DST: variants seen among roughly 807,000 people sequenced by gnomAD.
DST encodes the protein bullous pemphigoid antigen.
DST carries 253 observed loss-of-function variants against 875.2 expected under a neutral mutation model. The observed-to-expected ratio is 0.29, with a 90% CI of 0.26 to 0.32. The LOEUF (loss-of-function observed/expected upper bound fraction) is 0.32, where lower values mean the gene tolerates loss of function less well. DST is among the 10% of genes least tolerant of loss of function. The pLI is 1.00. For synonymous variants in DST, 3,124 were observed against 3,197.1 expected, an observed-to-expected ratio of 0.98 and a Z score of 0.77; for missense variants, 8,287 against 9,111.6, an observed-to-expected ratio of 0.91 and a Z score of 3.68.
chr6:56,491,401 A>G (rs533418473), intron 85 of DST, among the ~76,000 whole-genome samples: 1 of 152,164 alleles, frequency 6.6e-6, no homozygotes, highest in South Asian at 2.1e-4. Context: ...ATTACACTAA[A>G]TTTCTAGTAA....
Position 56,790,250 on chromosome 6 carries a change from A to G in DST, c.626-54961T>C, listed in dbSNP as rs1416517522. Among the ~76,000 whole-genome samples, 4 of 152,172 alleles carry G rather than the reference A, an allele frequency of 2.6e-5. No homozygotes were observed. The East Asian group carries it at 7.7e-4, about 29-fold the overall frequency. On this transcript the variant is annotated intron_variant, in intron 4 of 103. Transcript: ENST00000680361. Reference sequence around the variant, plus strand: ...GTGATTTCTCATTTATATAGTTACTATCTACTATGATAGATAGTAAGTTTT... The same window carrying G: ...GTGATTTCTCATTTATATAGTTACTGTCTACTATGATAGATAGTAAGTTTT...
rs2152751657 is a variant in DST, at chr6:56,627,231, A to G, written c.4695T>C (p.Tyr1565=). The G allele has an allele frequency of 1.9e-6, 3 of 1,612,764 alleles. No homozygotes were observed. The highest frequency in any genetic ancestry group is 2.5e-6 in the Non-Finnish European group (3 of 1,179,284). The part of the protein sequence containing the change: ...KQSKMDECQK[Y]AEQYSATVKD... ...TCACTGTAGCTGAGTACTGTTCTGCATATTTTTGACACTCGTCCATTTTGC... is the reference window on the plus strand; with the variant it reads ...TCACTGTAGCTGAGTACTGTTCTGCGTATTTTTGACACTCGTCCATTTTGC... The change falls in exon 34 of 104, where the codon TAT becomes TAC. Residue 1565 remains tyrosine, a synonymous_variant. Coordinates refer to ENST00000680361, the MANE Select transcript of DST (RefSeq NM_001374736.1).
chr6:56,472,659 G>A (rs2094954014), intron 93 of DST, among the ~76,000 whole-genome samples: 1 of 152,176 alleles, frequency 6.6e-6, no homozygotes. Context: ...GCAGATGAGG[G>A]CAGCAGGCAC....
At chr6:56,855,517 T>C (rs1767443103) in intron 3 of DST, among the ~76,000 whole-genome samples, 1 of 152,210 alleles carries the variant, frequency 6.6e-6, no homozygotes, top group Non-Finnish European at 1.5e-5. Context: ...GTGAAAAATA[T>C]AAGGAGTACC....
intron 4 of DST, among the ~76,000 whole-genome samples, chr6:56,763,724 C>T (rs867645823): frequency 3.0e-4 from 43 of 143,654 alleles, no homozygotes; most frequent in African/African-American, 7.1e-4. Flanking sequence ...CACACACACA[C>T]ATATAGGGAT....
At chr6:56,744,430 G>C (rs1422476073) in intron 4 of DST, among the ~76,000 whole-genome samples, 1 of 151,996 alleles carries the variant, frequency 6.6e-6, no homozygotes, top group Non-Finnish European at 1.5e-5. Flanking sequence ...AAATAATATG[G>C]AGGGAGAAGA....
chr6:56,785,807 T>A (rs1268173320), intron 4 of DST: 2 of 159,540 alleles, frequency 1.3e-5, no homozygotes, highest in East Asian at 3.7e-4. Context: ...GTCTTCTGCG[T>A]CGCTCACGCT....
At chr6:56,891,391 CT>C (rs983977751) in intron 3 of DST, among the ~76,000 whole-genome samples, 2 of 151,780 alleles carry the variant, frequency 1.3e-5, no homozygotes, top group African/African-American at 2.4e-5. Flanking sequence ...GACTCCACCT[CT>C]ACAAAAAAAA....
At chr6:56,920,329 T>C (rs1386968013) in intron 2 of DST, among the ~76,000 whole-genome samples, 3 of 152,178 alleles carry the variant, frequency 2.0e-5, no homozygotes, top group South Asian at 2.1e-4. Context: ...GCTGATTCTT[T>C]TAAGGGCTTG....
At position 56,527,736 on chromosome 6, in the gene DST, T is replaced by TAA. The variant is rs2096827657; in HGVS notation, c.17681-4_17681-3dup. 6.3e-7 allele frequency: 1 copy of TAA among 1,587,800 alleles called. No homozygotes were observed. Among genetic ancestry groups the TAA allele is most frequent in the East Asian group, 2.2e-5 (1 of 44,472 alleles). On this transcript the variant is annotated splice_polypyrimidine_tract_variant and splice_region_variant and intron_variant, in intron 67 of 103. Transcript: ENST00000680361. ...CTTGAATTATTAAAACTTCATCACC[T>TAA]AAAATTTCAAAGTCACGTTATTTCT...
chr6:56,765,038 G>T (rs555578439), intron 4 of DST, among the ~76,000 whole-genome samples: 11 of 151,736 alleles, frequency 7.2e-5, no homozygotes, highest in Middle Eastern at 3.4e-3. Context: ...CTAACTTCAG[G>T]CTCAGGAAAT....
rs1311258441 is a variant in DST at position 56,578,830 on chromosome 6, A to G, written c.13011T>C (p.Asp4337=). Residue 4337 remains aspartate (D), a synonymous_variant, in exon 50 of 104, where the codon GAT becomes GAC. Transcript: ENST00000680361. The part of the protein sequence containing the change: ...ARGSLLPAKN[D]IQKTLDDIVG... ...ATATCTTACCAAGTGTTTTCTGGAT[A>G]TCATTCTTGGCTGGAAGTAAAGATC... 1 of 1,612,258 alleles carries G rather than the reference A, an allele frequency of 6.2e-7. No homozygotes were observed. Among genetic ancestry groups the G allele is most frequent in the Admixed American group, 1.7e-5 (1 of 59,842 alleles).
chr6:56,729,449 G>T (rs1389493542), intron 5 of DST, among the ~76,000 whole-genome samples: 1 of 152,118 alleles, frequency 6.6e-6, no homozygotes, highest in African/African-American at 2.4e-5. Flanking sequence ...AATTAGCTGG[G>T]CGTGGTGGCA....
At chr6:56,481,992 T>C (rs2095417164) in intron 90 of DST, 58 bp downstream of exon 90, 10 of 1,558,894 alleles carry the variant, frequency 6.4e-6, no homozygotes, top group Non-Finnish European at 8.7e-6. Context: ...ATCCCGAGTC[T>C]ATTTTCCCTG....
At chr6:56,524,777 G>A (rs1303849943) in intron 69 of DST, among the ~76,000 whole-genome samples, 2 of 151,914 alleles carry the variant, frequency 1.3e-5, no homozygotes, top group Admixed American at 6.6e-5. Context: ...ACTTTCAAAA[G>A]GATTTTACTA....
At chr6:56,677,951 T>A (rs1053008525) in intron 9 of DST, among the ~76,000 whole-genome samples, 2 of 152,186 alleles carry the variant, frequency 1.3e-5, no homozygotes, top group African/African-American at 4.8e-5. Context: ...GTATCCCCCA[T>A]GGCAATAACT....
intron 61 of DST, 139 bp downstream of exon 61, chr6:56,552,045 C>T: frequency 2.1e-6 from 2 of 970,210 alleles, no homozygotes; most frequent in Non-Finnish European, 3.0e-6. Context: ...GGTGTTACCC[C>T]CATATATGCT....
intron 59 of DST, among the ~76,000 whole-genome samples, chr6:56,556,294 G>T (rs1013546572): frequency 6.6e-6 from 1 of 152,014 alleles, no homozygotes; most frequent in African/African-American, 2.4e-5. Flanking sequence ...AGTTGCAAAG[G>T]TTTTTGTAAC....
intron 78 of DST, among the ~76,000 whole-genome samples, chr6:56,503,594 T>TACACACACACAC (rs10637850): frequency 0.017 from 2,381 of 140,850 alleles, 32 homozygotes; most frequent in East Asian, 0.022. Context: ...TACCTATACA[T>TACACACACACAC]ACACACACAC....
Sources: allele counts gnomAD v4.1 joint callset (sites outside exome capture counted in the v4.1 genomes callset), GRCh38; gene constraint gnomAD v4.1.1; transcripts MANE v1.5; gene names NCBI Gene and HGNC (gene_info 2026-07-23, HGNC 2026-07-21).